Variants in FRYL observed in about 807,000 individuals in gnomAD.
FRYL encodes protein furry homolog-like.
A neutral mutation model predicts 351.2 loss-of-function variants in FRYL; 150 were observed. That is an observed-to-expected ratio of 0.43 (90% confidence interval 0.37 to 0.49). The LOEUF (loss-of-function observed/expected upper bound fraction) is 0.49. Ranked by LOEUF, FRYL falls within the 20% of genes least tolerant of loss-of-function variation. FRYL has a pLI of 0.00. For synonymous variants in FRYL, 1,153 were observed against 1,257.1 expected, an observed-to-expected ratio of 0.92 and a Z score of 1.75; for missense variants, 3,036 against 3,619.3, an observed-to-expected ratio of 0.84 and a Z score of 4.13.
At chr4:48,511,971 G>A (rs1012885087) in intron 57 of FRYL, among the ~76,000 whole-genome samples, 6 of 152,250 alleles carry the variant, frequency 3.9e-5, no homozygotes, top group South Asian at 4.2e-4. Context: ...AACACTTACC[G>A]TAAAGCCCTT....
chr4:48,640,455 A>T (rs989489768), intron 3 of FRYL, among the ~76,000 whole-genome samples: 11 of 152,172 alleles, frequency 7.2e-5, no homozygotes, highest in Non-Finnish European at 1.2e-4. Context: ...TCTGGAAAAG[A>T]CTGTAGAGTC....
In FRYL at chr4:48,596,675, T is replaced by C. The variant is rs529251548; in HGVS notation, c.1036-675A>G. On this transcript the variant is annotated intron_variant, in intron 13 of 63. Transcript: ENST00000358350. Reference sequence around the variant, plus strand: ...GTACCTGGCATGTATTAAACGTTCATTGACTATTAAGTGTTATAATTTTTA... The same window carrying C: ...GTACCTGGCATGTATTAAACGTTCACTGACTATTAAGTGTTATAATTTTTA... Among the ~76,000 whole-genome samples, 12 of 152,282 alleles carry C rather than the reference T, an allele frequency of 7.9e-5. 1 individual carries two copies. Among genetic ancestry groups the C allele is most frequent in the South Asian group, 4.1e-4 (2 of 4,828 alleles).
At chr4:48,568,584 T>C (rs1331065648) in intron 27 of FRYL, among the ~76,000 whole-genome samples, 2 of 152,166 alleles carry the variant, frequency 1.3e-5, no homozygotes, top group Non-Finnish European at 2.9e-5. Context: ...ATTTTTTTTT[T>C]ACTAGTTATG....
chr4:48,571,740 G>T, intron 26 of FRYL: 1 of 969,354 alleles, frequency 1.0e-6, no homozygotes, highest in Non-Finnish European at 1.2e-6. Context: ...GAAACAGGAT[G>T]ATTTCTTATC....
chr4:48,737,738 C>T lies in FRYL; in HGVS notation c.-383-27040G>A, dbSNP rs1000749125. ...TTACCTTCAACAAAATATGAGTATA[C>T]TAAACCTAACGATGTAACAGAAGAA... On this transcript the variant is annotated intron_variant, in intron 1 of 63. Coordinates refer to ENST00000358350, the MANE Select transcript of FRYL (RefSeq NM_015030.2). Among the ~76,000 whole-genome samples, 19 of 152,136 alleles carry T rather than the reference C, an allele frequency of 1.2e-4. 1 individual carries two copies. Among genetic ancestry groups the T allele is most frequent in the Non-Finnish European group, 2.9e-5 (2 of 68,034 alleles).
intron 43 of FRYL, 55 bp from the exon 44 acceptor site, chr4:48,544,052 G>A: frequency 1.4e-6 from 2 of 1,458,936 alleles, no homozygotes; most frequent in Non-Finnish European, 1.9e-6. Context: ...ATACTAATGG[G>A]GTTATAATCA....
At chr4:48,671,460 G>A (rs550633779) in intron 3 of FRYL, among the ~76,000 whole-genome samples, 1 of 152,150 alleles carries the variant, frequency 6.6e-6, no homozygotes, top group South Asian at 2.1e-4. Context: ...CTGAGGTCAG[G>A]AGTTCAAAAC....
chr4:48,766,041 T>C (rs1047303078), intron 1 of FRYL, among the ~76,000 whole-genome samples: 3 of 152,148 alleles, frequency 2.0e-5, no homozygotes, highest in Admixed American at 1.3e-4. Context: ...GGAATGTAAA[T>C]TGGTACAGTC....
chr4:48,542,194 A>G, intron 44 of FRYL, 73 bp from the exon 45 acceptor site: 1 of 994,562 alleles, frequency 1.0e-6, no homozygotes, highest in Non-Finnish European at 1.6e-6. Context: ...TCCTAATGGG[A>G]TTTTAAAATA....
chr4:48,730,323 T>A (rs1242942620), intron 1 of FRYL, among the ~76,000 whole-genome samples: 2 of 152,138 alleles, frequency 1.3e-5, no homozygotes, highest in African/African-American at 4.8e-5. Context: ...CAGGATATTA[T>A]CCAGGAGAAC....
In FRYL at chr4:48,501,876, C is replaced by T. The variant is rs142492229; in HGVS notation, c.8482-143G>A. ...TATGGTATGAAGCTGATGAAAGGCA[C>T]GTGAAATATGCTTTAAAGACTAAGA... On this transcript the variant is annotated intron_variant, in intron 61 of 63. Transcript: ENST00000358350. 235 of 588,048 alleles carry T rather than the reference C, an allele frequency of 4.0e-4. 3 individuals carry two copies. The South Asian group carries it at 4.1e-3, about 10-fold the overall frequency. The allele number at this position is 588,048 out of a possible 1,614,324, so 36.4% of individuals were successfully genotyped here.
At chr4:48,578,593 A>G (rs528094098) in intron 23 of FRYL, among the ~76,000 whole-genome samples, 53 of 152,270 alleles carry the variant, frequency 3.5e-4, no homozygotes, top group Non-Finnish European at 6.9e-4. Flanking sequence ...CATCGGGAAA[A>G]GTAAGGCCAC....
intron 47 of FRYL, among the ~76,000 whole-genome samples, chr4:48,537,132 C>T (rs1729066711): frequency 6.6e-6 from 1 of 152,208 alleles, no homozygotes; most frequent in East Asian, 1.9e-4. Context: ...AATTTTATAA[C>T]TTCTCAAGTT....
rs1578107354 is a variant in FRYL, at chr4:48,557,564, T to C, written c.4014A>G (p.Leu1338=). 3 of 1,614,210 alleles carry C rather than the reference T, an allele frequency of 1.9e-6. No individual in the cohort carries two copies. Among genetic ancestry groups the C allele is most frequent in the African/African-American group, 1.3e-5 (1 of 75,056 alleles). ...TAGTCACCATAAGTTCTCGGTCTTTTAAGGAATCATCTTCATCTTCATCAT... is the reference window on the plus strand; with the variant it reads ...TAGTCACCATAAGTTCTCGGTCTTTCAAGGAATCATCTTCATCTTCATCAT... ...RRHDEDEDDS[L]KDRELMVTSR... Residue 1338 remains leucine, a synonymous_variant, in exon 34 of 64, where the codon TTA becomes TTG. Coordinates refer to ENST00000358350, the MANE Select transcript of FRYL (RefSeq NM_015030.2).
intron 7 of FRYL, among the ~76,000 whole-genome samples, chr4:48,612,885 G>A (rs367873583): frequency 2.0e-5 from 3 of 151,980 alleles, no homozygotes; most frequent in Admixed American, 6.5e-5. Context: ...CACCGCACCC[G>A]GCCAACTGTT....
intron 2 of FRYL, among the ~76,000 whole-genome samples, chr4:48,689,888 T>C (rs1765517962): frequency 1.3e-5 from 2 of 150,492 alleles, no homozygotes; most frequent in Non-Finnish European, 3.0e-5. Context: ...TTTTAATTTC[T>C]TTTTTTCTTT....
intron 3 of FRYL, among the ~76,000 whole-genome samples, chr4:48,649,806 C>G (rs1395507121): frequency 6.6e-6 from 1 of 152,064 alleles, no homozygotes; most frequent in African/African-American, 2.4e-5. Flanking sequence ...CTAAGCAGGC[C>G]CTGAAACCAG....
chr4:48,594,445 A>T (rs1222753415), intron 15 of FRYL, among the ~76,000 whole-genome samples: 2 of 152,190 alleles, frequency 1.3e-5, no homozygotes, highest in East Asian at 3.8e-4. Flanking sequence ...GCTGTTTGAA[A>T]GGAGTTTTAT....
intron 57 of FRYL, among the ~76,000 whole-genome samples, chr4:48,511,237 T>C (rs1373329536): frequency 6.6e-6 from 1 of 152,140 alleles, no homozygotes; most frequent in Admixed American, 6.6e-5. Context: ...ATTCCTGAGA[T>C]TTTTTCATCA....
Sources: gnomAD v4.1 joint callset for allele counts (sites outside exome capture counted in the v4.1 genomes callset) on GRCh38, gnomAD v4.1.1 for gene constraint, MANE v1.5 for transcripts, NCBI Gene and HGNC (gene_info 2026-07-23, HGNC 2026-07-21) for gene names.